Variants in ADAMTSL1 observed in about 807,000 individuals in gnomAD.
The protein encoded by ADAMTSL1 is ADAMTS-like protein 1.
ADAMTSL1 carries 126 observed loss-of-function variants against 201.8 expected under a neutral mutation model. The observed-to-expected ratio is 0.62, with a 90% CI of 0.54 to 0.72. ADAMTSL1 has a LOEUF of 0.72. Ranked by LOEUF, ADAMTSL1 falls within the 30% of genes least tolerant of loss-of-function variation. ADAMTSL1 has a pLI of 0.00. For synonymous variants in ADAMTSL1, 1,121 were observed against 903.4 expected (o/e 1.24, Z -4.32); for missense variants, 2,679 against 2,277.8 (o/e 1.18, Z -3.59).
chr9:18,333,491 C>A (rs1377465676), intron 2 of ADAMTSL1, among the ~76,000 whole-genome samples: 2 of 152,274 alleles, frequency 1.3e-5, no homozygotes, highest in East Asian at 3.9e-4. Context: ...ATAAATTATG[C>A]AGTCTCGGGT....
chr9:18,417,307 G>C (rs562168044), intron 2 of ADAMTSL1, among the ~76,000 whole-genome samples: 1 of 150,076 alleles, frequency 6.7e-6, no homozygotes, highest in African/African-American at 2.4e-5. Flanking sequence ...CAATGACCTT[G>C]GCTGCCACTT....
chr9:18,274,805 T>G (rs372054521), intron 2 of ADAMTSL1, among the ~76,000 whole-genome samples: 2 of 152,200 alleles, frequency 1.3e-5, no homozygotes, highest in East Asian at 1.9e-4. Context: ...TCATCCTGTT[T>G]GCAGCACTGC....
intron 1 of ADAMTSL1, among the ~76,000 whole-genome samples, chr9:18,090,815 C>A (rs1037030889): frequency 6.6e-6 from 1 of 152,052 alleles, no homozygotes; most frequent in Admixed American, 6.6e-5. Context: ...ACATTTAAGA[C>A]CCTTTCCAAC....
chr9:18,694,758 T>C (rs1012108134), intron 13 of ADAMTSL1, among the ~76,000 whole-genome samples: 1 of 152,172 alleles, frequency 6.6e-6, no homozygotes, highest in Admixed American at 6.5e-5. Flanking sequence ...ATGGTGGCCT[T>C]CTTCTCACAG....
intron 1 of ADAMTSL1, among the ~76,000 whole-genome samples, chr9:18,073,852 C>T (rs1182962058): frequency 2.0e-5 from 3 of 152,180 alleles, no homozygotes; most frequent in Admixed American, 2.0e-4. Context: ...TTAGTTATAA[C>T]TTCAGGATCT....
At chr9:18,290,112 G>C (rs113457030) in intron 2 of ADAMTSL1, among the ~76,000 whole-genome samples, 4 of 152,200 alleles carry the variant, frequency 2.6e-5, no homozygotes, top group African/African-American at 9.6e-5. Flanking sequence ...AGGGATATAA[G>C]AAAATGACAG....
intron 2 of ADAMTSL1, among the ~76,000 whole-genome samples, chr9:18,347,147 A>T (rs968766049): frequency 1.9e-4 from 29 of 152,072 alleles, no homozygotes; most frequent in South Asian, 6.2e-4. Context: ...GTGAATGGTC[A>T]CCCCACTTGT....
At position 18,647,675 on chromosome 9, in the gene ADAMTSL1, G is replaced by T. The variant is rs1300780080; in HGVS notation, c.834+8264G>T. On this transcript the variant is annotated intron_variant, in intron 7 of 28. Transcript: ENST00000380548. ...TAGTCATTCAGGAGCAGGTTGTTCA[G>T]TTTCCATGTAGTTGAGTGGTTTTGA... Among the ~76,000 whole-genome samples, 4 of 151,050 alleles carry T rather than the reference G, an allele frequency of 2.6e-5. No individual in the cohort carries two copies. The East Asian group carries it at 7.7e-4, about 29-fold the overall frequency.
chr9:18,874,265 C>T (rs1246302193), intron 23 of ADAMTSL1, among the ~76,000 whole-genome samples: 2 of 151,926 alleles, frequency 1.3e-5, no homozygotes, highest in East Asian at 1.9e-4. Flanking sequence ...TCCTCTTTAC[C>T]GATTTGGATG....
intron 2 of ADAMTSL1, among the ~76,000 whole-genome samples, chr9:18,303,396 G>A (rs1393166971): frequency 6.6e-6 from 1 of 152,156 alleles, no homozygotes; most frequent in African/African-American, 2.4e-5. Context: ...TCTTCAACAG[G>A]TTTCCCACAG....
At chr9:18,448,502 A>G (rs1423788004) in intron 2 of ADAMTSL1, among the ~76,000 whole-genome samples, 12 of 152,322 alleles carry the variant, frequency 7.9e-5, no homozygotes, top group African/African-American at 2.9e-4. Flanking sequence ...TTTAGAAAAT[A>G]TCGACCACAG....
In ADAMTSL1 at chr9:18,143,886, G is replaced by A. The variant is rs1826509818; in HGVS notation, c.88-19976G>A. Among the ~76,000 whole-genome samples the A allele has an allele frequency of 2.0e-5, 3 of 152,142 alleles. No homozygotes were observed. The South Asian group carries it at 6.2e-4, about 32-fold the overall frequency. ...AAAGAAGTGAGGGAACTGCCATTGA[G>A]GGAACAATTAATTTTGTTTCTGTAG... is the stretch of plus-strand genomic sequence containing the variant. On this transcript the variant is annotated intron_variant, in intron 1 of 29. Transcript: ENST00000680146.
chr9:18,810,871 A>C (rs1028453786), intron 20 of ADAMTSL1, among the ~76,000 whole-genome samples: 1 of 152,168 alleles, frequency 6.6e-6, no homozygotes, highest in Non-Finnish European at 1.5e-5. Context: ...ACACATAAGG[A>C]GAATAAAAAG....
At chr9:18,620,388 T>C (rs1390600499) in intron 4 of ADAMTSL1, among the ~76,000 whole-genome samples, 1 of 152,202 alleles carries the variant, frequency 6.6e-6, no homozygotes, top group African/African-American at 2.4e-5. Context: ...CACCATTGAA[T>C]GTTGCTCCTA....
intron 2 of ADAMTSL1, among the ~76,000 whole-genome samples, chr9:18,246,621 T>C (rs993375000): frequency 6.6e-6 from 1 of 152,226 alleles, no homozygotes; most frequent in African/African-American, 2.4e-5. Flanking sequence ...TATTTCACCC[T>C]TTTTAAAGAT....
chr9:18,567,202 T>A (rs1288919851), intron 3 of ADAMTSL1, among the ~76,000 whole-genome samples: 1 of 152,150 alleles, frequency 6.6e-6, no homozygotes, highest in East Asian at 1.9e-4. Flanking sequence ...AGGTGGCTCA[T>A]GCCGTTAATC....
chr9:18,238,983 T>C (rs1470849951), intron 2 of ADAMTSL1, among the ~76,000 whole-genome samples: 1 of 152,242 alleles, frequency 6.6e-6, no homozygotes, highest in African/African-American at 2.4e-5. Flanking sequence ...CCAGTGCATA[T>C]AAAAGTTATG....
At chr9:18,886,195 T>C (rs1434693948) in intron 23 of ADAMTSL1, among the ~76,000 whole-genome samples, 17 of 128,674 alleles carry the variant, frequency 1.3e-4, no homozygotes, top group South Asian at 7.7e-4. Context: ...TATATATATA[T>C]ATATATATAT....
chr9:18,309,649 A>G (rs1834038989), intron 2 of ADAMTSL1, among the ~76,000 whole-genome samples: 2 of 151,766 alleles, frequency 1.3e-5, no homozygotes, highest in South Asian at 4.2e-4. Flanking sequence ...GGACCTCACC[A>G]AGAACTAAAA....
Sources: allele counts gnomAD v4.1 joint callset (sites outside exome capture counted in the v4.1 genomes callset), GRCh38; gene constraint gnomAD v4.1.1; transcripts MANE v1.5; gene names NCBI Gene and HGNC (gene_info 2026-07-23, HGNC 2026-07-21).